Variants in ATP10D observed in about 807,000 individuals in gnomAD.
ATP10D encodes the protein phospholipid-transporting ATPase VD.
In ATP10D, 89 loss-of-function variants were observed where a neutral mutation model predicts 144.8. The observed-to-expected ratio is 0.61, with a 90% CI of 0.52 to 0.73. The LOEUF (loss-of-function observed/expected upper bound fraction) is 0.73. Ranked by LOEUF, ATP10D falls within the 30% of genes least tolerant of loss-of-function variation. ATP10D has a pLI of 0.00. For synonymous variants in ATP10D, 571 were observed against 615.1 expected (o/e 0.93, Z 1.06); for missense variants, 1,603 against 1,714.8 (o/e 0.93, Z 1.15).
chr4:47,535,577 G>A lies in ATP10D; in HGVS notation c.845G>A (p.Arg282Lys). 1 of 1,613,176 alleles carries A rather than the reference G, an allele frequency of 6.2e-7. No individual in the cohort carries two copies. Among genetic ancestry groups the A allele is most frequent in the Non-Finnish European group, 8.5e-7 (1 of 1,179,490 alleles). ...ENLLLRGCTI[R>K]NTEAVVGIVV... The stretch of plus-strand genomic sequence containing the variant: ...TTGTTGCTTAGAGGATGCACCATTA[G>A]AAACACAGAGGCTGTTGTGGGCATT... Residue 282 changes from arginine to lysine, a missense_variant, in exon 6 of 23, where the codon AGA becomes AAA. By Grantham distance (26) the Arg-to-Lys change is conservative (BLOSUM62 2). Transcript: ENST00000273859.
intron 1 of ATP10D, among the ~76,000 whole-genome samples, chr4:47,486,768 T>G (rs1233405260): frequency 4.6e-5 from 7 of 152,208 alleles, no homozygotes. Flanking sequence ...CTTAGCAACA[T>G]TTTAAAGTTT....
In ATP10D at chr4:47,564,409, A is replaced by G. The variant is rs373854370; in HGVS notation, c.2853+644A>G. ...ACAGGACTTAGCCCAAAATGAGAAA[A>G]TATATCAAGTCCTGGTACAGGAATC... On this transcript the variant is annotated intron_variant, in intron 15 of 22. Coordinates refer to ENST00000273859, the MANE Select transcript of ATP10D (RefSeq NM_020453.4). 1.9e-4 allele frequency among the ~76,000 whole-genome samples: 29 copies of G among 152,238 alleles called. 1 individual carries two copies. Among genetic ancestry groups the G allele is most frequent in the East Asian group, 1.2e-3 (6 of 5,182 alleles).
chr4:47,559,113 C>G, intron 13 of ATP10D, 84 bp downstream of exon 13: 1 of 1,030,008 alleles, frequency 9.7e-7, no homozygotes, highest in Non-Finnish European at 1.5e-6. Flanking sequence ...GTAGCAAACC[C>G]TAATCCAGAT....
chr4:47,587,752 C>G (rs1401739242), intron 22 of ATP10D, among the ~76,000 whole-genome samples: 1 of 152,172 alleles, frequency 6.6e-6, no homozygotes, highest in Non-Finnish European at 1.5e-5. Flanking sequence ...TAATCTCACT[C>G]AGGAGGGCTC....
At chr4:47,529,759 C>G (rs1442036885) in intron 5 of ATP10D, among the ~76,000 whole-genome samples, 2 of 152,098 alleles carry the variant, frequency 1.3e-5, no homozygotes, top group African/African-American at 4.8e-5. Flanking sequence ...AATATTGATT[C>G]TTCCAATCCA....
chr4:47,497,804 C>T (rs1344301063), intron 1 of ATP10D, among the ~76,000 whole-genome samples: 2 of 152,192 alleles, frequency 1.3e-5, no homozygotes, highest in Non-Finnish European at 2.9e-5. Context: ...GCTGTGTAAT[C>T]TTGGGTAAGT....
At chr4:47,566,110 AG>A (rs1188480375) in intron 15 of ATP10D, among the ~76,000 whole-genome samples, 3 of 152,232 alleles carry the variant, frequency 2.0e-5, no homozygotes, top group African/African-American at 7.2e-5. Context: ...CACTTAGTGA[AG>A]GAATTGCTCC....
chr4:47,515,026 TCCCGG>T (rs965731507), intron 2 of ATP10D, among the ~76,000 whole-genome samples: 6 of 152,298 alleles, frequency 3.9e-5, no homozygotes, highest in African/African-American at 1.4e-4. Context: ...AGTAGTGTGA[TCCCGG>T]CTCACTGCAG....
intron 3 of ATP10D, among the ~76,000 whole-genome samples, chr4:47,516,357 T>C (rs986855966): frequency 6.6e-6 from 1 of 152,164 alleles, no homozygotes; most frequent in Non-Finnish European, 1.5e-5. Context: ...AGGGGCATAT[T>C]TGCTGTGTTG....
rs935193354 is a variant in ATP10D at position 47,572,790 on chromosome 4, A to G, written c.3241-82A>G. 7.6e-6 allele frequency: 12 copies of G among 1,570,226 alleles called. No homozygotes were observed. In the Admixed American group the frequency reaches 1.2e-4, roughly 16 times the overall value. On this transcript the variant is annotated intron_variant, in intron 17 of 22. Transcript: ENST00000273859. Reference sequence around the variant, plus strand: ...CAGAAGAAGGTAGAATATGAGGCCTAGGGTTTCCCAAGAATTGTGCTGTGT... The same window carrying G: ...CAGAAGAAGGTAGAATATGAGGCCTGGGGTTTCCCAAGAATTGTGCTGTGT...
chr4:47,559,934 A>G (rs1476852985), intron 13 of ATP10D, among the ~76,000 whole-genome samples: 1 of 152,198 alleles, frequency 6.6e-6, no homozygotes, highest in African/African-American at 2.4e-5. Context: ...TGGGAGGCAG[A>G]GGTTGCAGTG....
At chr4:47,582,280 T>G (rs998228453) in intron 21 of ATP10D, among the ~76,000 whole-genome samples, 16 of 152,160 alleles carry the variant, frequency 1.1e-4, no homozygotes, top group Admixed American at 9.2e-4. Context: ...TTGCTCCCTT[T>G]GGTAGTATCA....
At chr4:47,534,752 T>C (rs1435507357) in intron 5 of ATP10D, among the ~76,000 whole-genome samples, 1 of 152,200 alleles carries the variant, frequency 6.6e-6, no homozygotes, top group Non-Finnish European at 1.5e-5. Flanking sequence ...ATACAGTTTA[T>C]ACTAGAAAAG....
At chr4:47,580,818 T>C (rs1720476360) in intron 20 of ATP10D, among the ~76,000 whole-genome samples, 1 of 152,118 alleles carries the variant, frequency 6.6e-6, no homozygotes, top group Non-Finnish European at 1.5e-5. Flanking sequence ...TCTCAGCATT[T>C]TGGGAGGCTG....
rs1720011864 is a variant in ATP10D, at chr4:47,572,618, AAGTGGG to A, written c.3241-249_3241-244del. Among the ~76,000 whole-genome samples, 9 of 143,484 alleles carry A rather than the reference AAGTGGG, an allele frequency of 6.3e-5. No individual in the cohort carries two copies. The South Asian group carries it at 1.9e-3, about 30-fold the overall frequency. The allele number at this position is 143,484 out of a possible 152,430, so 94.1% of individuals were successfully genotyped here. ...AGAGGAAATGAGAGGAGAAGGAAGG[AAGTGGG>A]AGTGTCCTATTTGTGCGCACGTGTG... is the stretch of plus-strand genomic sequence containing the variant. On this transcript the variant is annotated intron_variant, in intron 17 of 22. Coordinates refer to ENST00000273859, the MANE Select transcript of ATP10D (RefSeq NM_020453.4).
chr4:47,563,776 T>G lies in ATP10D; in HGVS notation c.2853+11T>G. 1 of 1,569,908 alleles carries G rather than the reference T, an allele frequency of 6.4e-7. No individual in the cohort carries two copies. The highest frequency in any genetic ancestry group is 8.6e-7 in the Non-Finnish European group (1 of 1,156,716). Reference sequence around the variant, plus strand: ...AATACCCAAAGTAAAGTGCGTATATTGAGATTAAATCTGTTCTTCTGTATT... The same window carrying G: ...AATACCCAAAGTAAAGTGCGTATATGGAGATTAAATCTGTTCTTCTGTATT... On this transcript the variant is annotated intron_variant, in intron 15 of 22. Coordinates refer to ENST00000273859, the MANE Select transcript of ATP10D (RefSeq NM_020453.4).
chr4:47,527,654 C>T (rs1380404125), intron 5 of ATP10D, among the ~76,000 whole-genome samples: 1 of 152,084 alleles, frequency 6.6e-6, no homozygotes. Flanking sequence ...ATGTATTTGA[C>T]ATATGAATGG....
intron 12 of ATP10D, among the ~76,000 whole-genome samples, chr4:47,558,582 ATAC>A (rs1413475855): frequency 6.6e-6 from 1 of 152,234 alleles, no homozygotes; most frequent in Admixed American, 6.5e-5. Context: ...GTTTAATGAC[ATAC>A]TATATGCAAT....
chr4:47,496,711 A>G (rs1447267101), intron 1 of ATP10D, among the ~76,000 whole-genome samples: 2 of 152,102 alleles, frequency 1.3e-5, no homozygotes, highest in Non-Finnish European at 2.9e-5. Flanking sequence ...CTGAAGTTGA[A>G]AATATTTTTT....
Sources: gnomAD v4.1 joint callset for allele counts (sites outside exome capture counted in the v4.1 genomes callset) on GRCh38, gnomAD v4.1.1 for gene constraint, MANE v1.5 for transcripts, NCBI Gene and HGNC (gene_info 2026-07-23, HGNC 2026-07-21) for gene names.